Variants in TSC1 observed in about 807,000 individuals in gnomAD.
TSC1 encodes TSC complex subunit 1.
Under a neutral mutation model 124.3 loss-of-function variants are expected in TSC1, and 20 were observed. The observed-to-expected ratio is 0.16, with a 90% CI of 0.11 to 0.23. The LOEUF is 0.23. TSC1 is among the 10% of genes least tolerant of loss of function. The pLI, the probability that TSC1 is intolerant of heterozygous loss-of-function variation, is 1.00. For synonymous variants in TSC1, 493 were observed against 539.1 expected (o/e 0.91, Z 1.19); for missense variants, 1,124 against 1,448.5 (o/e 0.78, Z 3.64).
At chr9:132,917,929 T>G (rs1418708268) in intron 8 of TSC1, among the ~76,000 whole-genome samples, 1 of 152,230 alleles carries the variant, frequency 6.6e-6, no homozygotes, top group Non-Finnish European at 1.5e-5. Context: ...TGCTCTATCA[T>G]TATGGTTTTG....
chr9:132,915,229 C>T (rs976760845), intron 8 of TSC1, among the ~76,000 whole-genome samples: 2 of 152,080 alleles, frequency 1.3e-5, no homozygotes, highest in African/African-American at 2.4e-5. Context: ...CCTGTACTCT[C>T]AGCCACCGGG....
intron 8 of TSC1, among the ~76,000 whole-genome samples, chr9:132,917,359 C>T (rs767989035): frequency 2.6e-5 from 4 of 152,064 alleles, no homozygotes; most frequent in Non-Finnish European, 4.4e-5. Context: ...GAGATGGATT[C>T]TCGCTCTGTC....
Position 132,894,984 on chromosome 9 carries a change from G to A in TSC1, c.*1251C>T, listed in dbSNP as rs773490178. ...AATTTTCTGACTAGTGTCATCTCTCGGGAGCACGTGGGGCAGCCTAGTGGG... is the reference window on the plus strand; with the variant it reads ...AATTTTCTGACTAGTGTCATCTCTCAGGAGCACGTGGGGCAGCCTAGTGGG... On this transcript the variant is annotated 3_prime_UTR_variant, in exon 23 of 23. Transcript: ENST00000298552. 32 of 231,838 alleles carry A rather than the reference G, an allele frequency of 1.4e-4. No homozygotes were observed. Among genetic ancestry groups the A allele is most frequent in the Non-Finnish European group, 1.5e-4 (17 of 117,150 alleles). The allele number at this position is 231,838 out of a possible 1,614,324, so 14.4% of individuals were successfully genotyped here. A position where few individuals can be genotyped will look rare whatever the true frequency, so the allele number is the denominator to read the frequency against.
chr9:132,906,685 G>A lies in TSC1; in HGVS notation c.1438+46C>T, dbSNP rs2131859788. 6.6e-7 allele frequency: 1 copy of A among 1,507,752 alleles called. No individual in the cohort carries two copies. Among genetic ancestry groups the A allele is most frequent in the Non-Finnish European group, 9.1e-7 (1 of 1,094,044 alleles). 93.4% of individuals were successfully genotyped at this position (1,507,752 alleles called of 1,614,324 possible). A position where few individuals can be genotyped will look rare whatever the true frequency, so the allele number is the denominator to read the frequency against. On this transcript the variant is annotated intron_variant, in intron 14 of 22. Coordinates refer to ENST00000298552, the MANE Select transcript of TSC1 (RefSeq NM_000368.5). This position sits in a 1 kb window ranked among gnomAD's most constrained non-coding sequence, Gnocchi z 4.1. ...CACAAAATCCCAGATTTATAGCAGA[G>A]CGAGGGTCAGGTTTTATCAACTCAT... is the stretch of plus-strand genomic sequence containing the variant.
At position 132,902,346 on chromosome 9, in the gene TSC1, TAACTGTTTCCTTTTGGCTGCAGA is replaced by T. The variant is rs1845424282; in HGVS notation, c.2391+236_2391+258del. 6.6e-6 allele frequency among the ~76,000 whole-genome samples: 1 copy of T among 152,204 alleles called. No individual in the cohort carries two copies. The highest frequency in any genetic ancestry group is 1.5e-5 in the Non-Finnish European group (1 of 68,044). On this transcript the variant is annotated intron_variant, in intron 18 of 22. Coordinates refer to ENST00000298552, the MANE Select transcript of TSC1 (RefSeq NM_000368.5). This position sits in a 1 kb window ranked among gnomAD's most constrained non-coding sequence, Gnocchi z 5.2. ...AGATCTACTTAATGAGCAGAACTGT[TAACTGTTTCCTTTTGGCTGCAGA>T]AAAAAAAATGACTGAGACACTAAGG...
At chr9:132,908,317 A>G (rs186917329) in intron 12 of TSC1, among the ~76,000 whole-genome samples, 24 of 152,360 alleles carry the variant, frequency 1.6e-4, no homozygotes, top group Admixed American at 1.6e-3. Flanking sequence ...TCTCTTTAAT[A>G]TATGGCTTCA....
intron 4 of TSC1, 65 bp from the exon 5 acceptor site, chr9:132,925,804 A>G: frequency 6.3e-7 from 1 of 1,579,560 alleles, no homozygotes; most frequent in Non-Finnish European, 8.7e-7. Flanking sequence ...AAATAAAGAC[A>G]GCAATGATGT....
chr9:132,919,060 T>A (rs181460314), intron 8 of TSC1, among the ~76,000 whole-genome samples: 9 of 152,344 alleles, frequency 5.9e-5, no homozygotes, highest in Non-Finnish European at 1.0e-4. Context: ...AGTGTACTCA[T>A]ACAAAACTAG....
chr9:132,932,055 A>T (rs1170982859), intron 2 of TSC1, among the ~76,000 whole-genome samples: 1 of 152,232 alleles, frequency 6.6e-6, no homozygotes, highest in African/African-American at 2.4e-5. Context: ...GTAACTCACC[A>T]TAGAAAATAG....
intron 3 of TSC1, 98 bp downstream of exon 3, chr9:132,928,669 G>A: frequency 6.6e-7 from 1 of 1,518,270 alleles, no homozygotes; most frequent in Admixed American, 1.9e-5. Flanking sequence ...AAACTTTTCA[G>A]AAGATGAAAA....
intron 2 of TSC1, among the ~76,000 whole-genome samples, chr9:132,934,224 C>CT (rs1270696957): frequency 6.6e-6 from 1 of 152,202 alleles, no homozygotes; most frequent in Non-Finnish European, 1.5e-5. Context: ...TACACCCTTC[C>CT]TATACACAGC....
rs767647768 is a variant in TSC1, at chr9:132,927,234, G to A, written c.177C>T (p.His59=). Residue 59 remains histidine (H), a synonymous_variant, in exon 4 of 23, where the codon CAC becomes CAT. Transcript: ENST00000298552. ...GTGGCTCTTGCAAGGTGGTCAGGAT[G>A]TGCAATGCCGGCTGAGAGCTGGTTT... The part of the protein sequence containing the change: ...YLETSSQPAL[H]ILTTLQEPHD... 7.4e-6 allele frequency: 12 copies of A among 1,613,936 alleles called. No individual in the cohort carries two copies. Among genetic ancestry groups the A allele is most frequent in the Non-Finnish European group, 1.0e-5 (12 of 1,179,960 alleles).
chr9:132,925,493 A>T, intron 5 of TSC1, 94 bp downstream of exon 5: 1 of 1,522,118 alleles, frequency 6.6e-7, no homozygotes, highest in South Asian at 1.1e-5. Context: ...TAAACTCTAA[A>T]AGTTAAAATC....
At position 132,901,707 on chromosome 9, in the gene TSC1, A is replaced by G. The variant is rs1255802643; in HGVS notation, c.2392-8T>C. On this transcript the variant is annotated splice_region_variant and splice_polypyrimidine_tract_variant and intron_variant, in intron 18 of 22. Transcript: ENST00000298552. ...GCAGTCCTCCAGCTTCGTCTGCCCA[A>G]AGAGACGTGGACATGAAGTTTGAGG... 8 of 1,613,556 alleles carry G rather than the reference A, an allele frequency of 5.0e-6. No homozygotes were observed. Among genetic ancestry groups the G allele is most frequent in the Non-Finnish European group, 6.8e-6 (8 of 1,179,914 alleles).
rs1348445688 is a variant in TSC1, at chr9:132,906,897, A to G, written c.1334-62T>C. ...ACAGTGTAATCCCTGTAAGTGTAAAACTGCTTACACTGTATAGAATATGTC... is the reference window on the plus strand; with the variant it reads ...ACAGTGTAATCCCTGTAAGTGTAAAGCTGCTTACACTGTATAGAATATGTC... On this transcript the variant is annotated intron_variant, in intron 13 of 22. Coordinates refer to ENST00000298552, the MANE Select transcript of TSC1 (RefSeq NM_000368.5). This position sits in a 1 kb window ranked among gnomAD's most constrained non-coding sequence, Gnocchi z 4.1. 2.4e-6 allele frequency: 3 copies of G among 1,235,220 alleles called. No homozygotes were observed. The highest frequency in any genetic ancestry group is 3.6e-6 in the Non-Finnish European group (3 of 840,644). The allele number at this position is 1,235,220 out of a possible 1,614,324, so 76.5% of individuals were successfully genotyped here. A position where few individuals can be genotyped will look rare whatever the true frequency, so the allele number is the denominator to read the frequency against.
rs1554812551 is a variant in TSC1 at position 132,896,288 on chromosome 9, C to T, written c.3442G>A (p.Val1148Ile). ...TAGTCCATGATATGTAGCTGTCCAA[C>T]ACTGTCCGGGGTCGGGGGAGACGGG... is the stretch of plus-strand genomic sequence containing the variant. ...PHPSPPTPDS[V>I]GQLHIMDYNE... The change falls in exon 23 of 23, where the codon GTT (valine) becomes ATT (isoleucine). Residue 1148 changes from valine to isoleucine, a missense_variant. Around this residue, in one of 5 missense-constraint regions of TSC1, gnomAD observed 325 missense variants for 383.4 expected, o/e 0.85. Coordinates refer to ENST00000298552, the MANE Select transcript of TSC1 (RefSeq NM_000368.5). The surrounding 1 kb of genome is among the most constrained non-coding windows in gnomAD (Gnocchi z 4.5). The T allele has an allele frequency of 4.3e-6, 7 of 1,614,220 alleles. No individual in the cohort carries two copies. The highest frequency in any genetic ancestry group is 5.9e-6 in the Non-Finnish European group (7 of 1,180,034).
intron 8 of TSC1, among the ~76,000 whole-genome samples, chr9:132,915,096 G>A (rs921000989): frequency 6.6e-6 from 1 of 151,724 alleles, no homozygotes; most frequent in Admixed American, 6.6e-5. Flanking sequence ...TGACGTGGGA[G>A]GATAGCTTGA....
At position 132,894,545 on chromosome 9, in the gene TSC1, G is replaced by T. The variant is rs192562699; in HGVS notation, c.*1690C>A. The T allele has an allele frequency of 8.7e-6, 2 of 228,950 alleles. No homozygotes were observed. Among genetic ancestry groups the T allele is most frequent in the Non-Finnish European group, 1.7e-5 (2 of 115,216 alleles). The allele number at this position is 228,950 out of a possible 1,614,324, so 14.2% of individuals were successfully genotyped here. A position where few individuals can be genotyped will look rare whatever the true frequency, so the allele number is the denominator to read the frequency against. ...CTGCCAGCCTGTGCTAGGCTGAGTA[G>T]TTGGGACCACGCCCTGCCACAGGCT... On this transcript the variant is annotated 3_prime_UTR_variant, in exon 23 of 23. Coordinates refer to ENST00000298552, the MANE Select transcript of TSC1 (RefSeq NM_000368.5).
At chr9:132,940,349 T>C (rs1847670466) in intron 1 of TSC1, among the ~76,000 whole-genome samples, 3 of 152,152 alleles carry the variant, frequency 2.0e-5, no homozygotes, top group South Asian at 4.1e-4. Context: ...CCTGAAGCCA[T>C]ATCCAAAATC....
Sources: gnomAD v4.1 joint callset for allele counts (sites outside exome capture counted in the v4.1 genomes callset) on GRCh38, gnomAD v4.1.1 for gene constraint, gnomAD v4.1.1 regional missense constraint, Gnocchi (gnomAD v3.1) non-coding constraint, MANE v1.5 for transcripts, NCBI Gene and HGNC (gene_info 2026-07-23, HGNC 2026-07-21) for gene names.